The following TRPM3 variants were observed in gnomAD, a reference collection of about 807,000 sequenced individuals.
TRPM3 encodes long transient receptor potential channel 3.
TRPM3 carries 77 observed loss-of-function variants against 181.2 expected under a neutral mutation model. The observed-to-expected ratio is 0.42, with a 90% CI of 0.35 to 0.51. TRPM3 has a LOEUF of 0.51. Ranked by LOEUF, TRPM3 falls within the 20% of genes least tolerant of loss-of-function variation. The pLI, the probability that TRPM3 is intolerant of heterozygous loss-of-function variation, is 0.01. For synonymous variants in TRPM3, 745 were observed against 796.4 expected (o/e 0.94, Z 1.09); for missense variants, 1,759 against 2,196.7 (o/e 0.80, Z 3.98).
At chr9:70,581,773 G>A (rs1217063827) in intron 22 of TRPM3, among the ~76,000 whole-genome samples, 1 of 152,172 alleles carries the variant, frequency 6.6e-6, no homozygotes, top group Non-Finnish European at 1.5e-5. Context: ...CTCAGAGCTG[G>A]TGGGGCTGTC....
intron 1 of TRPM3, among the ~76,000 whole-genome samples, chr9:71,130,939 G>A (rs2074333151): frequency 1.3e-5 from 2 of 152,184 alleles, no homozygotes; most frequent in Admixed American, 6.5e-5. Flanking sequence ...TTCTTTGCAA[G>A]TAAACCTGTT....
intron 1 of TRPM3, among the ~76,000 whole-genome samples, chr9:70,888,362 GGTGTGTGTGTGT>G (rs71367235): frequency 1.1e-4 from 16 of 143,728 alleles, no homozygotes; most frequent in Middle Eastern, 3.6e-3. Context: ...TTTATTTTGG[GGTGTGTGTGTGT>G]GTGTGTGTGT....
chr9:70,962,350 TGCCTGTATCACGG>T (rs560807183), intron 1 of TRPM3, among the ~76,000 whole-genome samples: 1 of 152,228 alleles, frequency 6.6e-6, no homozygotes, highest in East Asian at 1.9e-4. Flanking sequence ...TTATAGGATC[TGCCTGTATCACGG>T]GCCTGTACAT....
intron 1 of TRPM3, among the ~76,000 whole-genome samples, chr9:71,251,664 G>A (rs939446433): frequency 1.3e-5 from 2 of 152,012 alleles, no homozygotes; most frequent in Admixed American, 6.6e-5. Flanking sequence ...TCACAACATG[G>A]AAAATGGGTT....
chr9:71,242,082 T>C (rs768619629), intron 1 of TRPM3, among the ~76,000 whole-genome samples: 4 of 152,212 alleles, frequency 2.6e-5, no homozygotes, highest in Non-Finnish European at 5.9e-5. Context: ...TGCCCCTCAA[T>C]AGTTTTAAAC....
chr9:70,873,409 T>G (rs896150343), intron 1 of TRPM3, among the ~76,000 whole-genome samples: 1 of 152,006 alleles, frequency 6.6e-6, no homozygotes, highest in African/African-American at 2.4e-5. Context: ...TATGGTCAGC[T>G]CAGCATCTAA....
intron 22 of TRPM3, among the ~76,000 whole-genome samples, chr9:70,590,823 G>GACATACCT (rs1410150371): frequency 6.6e-6 from 1 of 152,168 alleles, no homozygotes; most frequent in Non-Finnish European, 1.5e-5. Context: ...CACAGAACAT[G>GACATACCT]ACATACCTAA....
intron 7 of TRPM3, among the ~76,000 whole-genome samples, chr9:70,766,685 A>AT (rs1165940852): frequency 6.6e-6 from 1 of 152,162 alleles, no homozygotes; most frequent in Non-Finnish European, 1.5e-5. Context: ...AGAATGGCAT[A>AT]TTTTTCTCCT....
chr9:71,159,089 A>ATT (rs1435724864), intron 1 of TRPM3, among the ~76,000 whole-genome samples: 2 of 124,250 alleles, frequency 1.6e-5, no homozygotes, highest in Non-Finnish European at 3.3e-5. Context: ...GTGAGCCTAT[A>ATT]TTATATATAT....
chr9:70,946,707 T>C (rs970085785), intron 1 of TRPM3, among the ~76,000 whole-genome samples: 4 of 152,100 alleles, frequency 2.6e-5, no homozygotes, highest in Non-Finnish European at 5.9e-5. Flanking sequence ...AAATCCCTCC[T>C]CATCCTCCTT....
At chr9:70,622,836 C>T (rs1378661781) in intron 14 of TRPM3, among the ~76,000 whole-genome samples, 3 of 152,202 alleles carry the variant, frequency 2.0e-5, no homozygotes, top group Middle Eastern at 3.4e-3. Context: ...CAGCTCAAAC[C>T]GAATCTCTCT....
intron 1 of TRPM3, among the ~76,000 whole-genome samples, chr9:70,880,125 C>A (rs1221529405): frequency 1.3e-5 from 2 of 152,074 alleles, no homozygotes; most frequent in African/African-American, 4.8e-5. Flanking sequence ...AATGTCTGTG[C>A]CTTCCAATTA....
upstream of TRPM3, among the ~76,000 whole-genome samples, chr9:71,126,003 A>G (rs1224578233): frequency 1.3e-5 from 2 of 152,218 alleles, no homozygotes; most frequent in Non-Finnish European, 1.5e-5. Context: ...AGAATCTACA[A>G]GGAACTTAAG....
chr9:71,036,002 T>A (rs953395742), intron 1 of TRPM3, among the ~76,000 whole-genome samples: 17 of 145,122 alleles, frequency 1.2e-4, no homozygotes, highest in Admixed American at 3.4e-4. Flanking sequence ...TTTTTTTTTT[T>A]AATTTTGGGA....
intron 17 of TRPM3, among the ~76,000 whole-genome samples, chr9:70,616,511 A>ATTT (rs5898153): frequency 1.6e-5 from 2 of 125,900 alleles, no homozygotes; most frequent in African/African-American, 5.9e-5. Context: ...GTCCACTGGC[A>ATTT]TTTTTTTTTT....
rs536699138 is a variant in TRPM3, at chr9:71,232,003, G to A, written c.183+214650C>T. Among the ~76,000 whole-genome samples the A allele has an allele frequency of 9.9e-5, 15 of 152,212 alleles. No individual in the cohort carries two copies. In the East Asian group the frequency reaches 2.7e-3, roughly 27 times the overall value. ...TCACGTTTATATTAGTCCCTTTAAGGAGGTGAACTCAAAGTACTCCAAAGA... is the reference window on the plus strand; with the variant it reads ...TCACGTTTATATTAGTCCCTTTAAGAAGGTGAACTCAAAGTACTCCAAAGA... On this transcript the variant is annotated intron_variant, in intron 1 of 24. Transcript: ENST00000357533.
chr9:71,128,277 G>A (rs996855336), intron 1 of TRPM3, among the ~76,000 whole-genome samples: 1 of 152,100 alleles, frequency 6.6e-6, no homozygotes, highest in Non-Finnish European at 1.5e-5. Context: ...AAAGACAAAG[G>A]TATATAAGCA....
intron 7 of TRPM3, among the ~76,000 whole-genome samples, chr9:70,767,774 T>C (rs1047002122): frequency 6.6e-6 from 1 of 152,158 alleles, no homozygotes; most frequent in Non-Finnish European, 1.5e-5. Flanking sequence ...CTTGCATTGC[T>C]CTTTCCCTGC....
intron 1 of TRPM3, among the ~76,000 whole-genome samples, chr9:71,327,751 T>G (rs2132510900): frequency 6.6e-6 from 1 of 152,354 alleles, no homozygotes; most frequent in Middle Eastern, 3.4e-3. Flanking sequence ...TCAACTTTTC[T>G]TCTGAAGCAA....
Sources: gnomAD v4.1 joint callset for allele counts (sites outside exome capture counted in the v4.1 genomes callset) on GRCh38, gnomAD v4.1.1 for gene constraint, MANE v1.5 for transcripts, NCBI Gene and HGNC (gene_info 2026-07-23, HGNC 2026-07-21) for gene names.